The following RGS17 variants were observed in gnomAD, a reference collection of about 807,000 sequenced individuals.
RGS17 encodes the protein regulator of G protein signaling 17.
RGS17 carries 12 observed loss-of-function variants against 25.5 expected under a neutral mutation model. That is an observed-to-expected ratio of 0.47 (90% CI 0.30 to 0.76). RGS17 has a LOEUF of 0.76. RGS17 is among the 30% of genes least tolerant of loss of function. RGS17 has a pLI of 0.07. For synonymous variants in RGS17, 71 were observed against 76.9 expected (o/e 0.92, Z 0.40); for missense variants, 196 against 242.2 (o/e 0.81, Z 1.27).
At chr6:153,080,067 C>T (rs137992290) in intron 1 of RGS17, among the ~76,000 whole-genome samples, 11,884 of 152,110 alleles carry the variant, frequency 0.078, 628 homozygotes, top group East Asian at 0.17. Context: ...CTGCAACCTC[C>T]GCCTTCTGGG....
intron 1 of RGS17, among the ~76,000 whole-genome samples, chr6:153,107,718 C>G (rs1479718999): frequency 6.6e-6 from 1 of 152,184 alleles, no homozygotes; most frequent in African/African-American, 2.4e-5. Context: ...GAAATCGTTG[C>G]AAGTGTTGGT....
intron 2 of RGS17, among the ~76,000 whole-genome samples, chr6:153,039,318 G>C (rs1157284234): frequency 7.9e-5 from 12 of 152,094 alleles, no homozygotes; most frequent in Non-Finnish European, 1.8e-4. Flanking sequence ...TGTTGTTGTT[G>C]TTTTTTCAAA....
intron 1 of RGS17, among the ~76,000 whole-genome samples, chr6:153,125,364 C>G (rs938758927): frequency 1.3e-5 from 2 of 152,148 alleles, no homozygotes; most frequent in African/African-American, 2.4e-5. Context: ...TGCTAGAATA[C>G]TAAGTATAAA....
chr6:153,037,587 G>A (rs774237568), intron 2 of RGS17, among the ~76,000 whole-genome samples: 14 of 151,882 alleles, frequency 9.2e-5, no homozygotes, highest in African/African-American at 2.7e-4. Context: ...CACCACACCC[G>A]GCTAATTTTT....
chr6:153,005,272 C>G lies in RGS17; in HGVS notation c.*6302G>C, dbSNP rs1412856894. 6.6e-6 allele frequency: 1 copy of G among 152,176 alleles called. No individual in the cohort carries two copies. Among genetic ancestry groups the G allele is most frequent in the Admixed American group, 6.5e-5 (1 of 15,270 alleles). The allele number at this position is 152,176 out of a possible 1,614,324, so 9.4% of individuals were successfully genotyped here. A position where few individuals can be genotyped will look rare whatever the true frequency, so the allele number is the denominator to read the frequency against. The stretch of plus-strand genomic sequence containing the variant: ...GCAGACAGTTCAAGGGAAAAATTCA[C>G]TTTCACCTCTATTAGGTGAATATTC... On this transcript the variant is annotated 3_prime_UTR_variant, in exon 5 of 5. Transcript: ENST00000206262.
intron 1 of RGS17, among the ~76,000 whole-genome samples, chr6:153,101,861 A>G (rs369210305): frequency 1.3e-5 from 2 of 152,156 alleles, no homozygotes; most frequent in African/African-American, 4.8e-5. Flanking sequence ...TGCCATGATT[A>G]TAAGTTTTCC....
At chr6:153,080,343 T>G (rs1776955913) in intron 1 of RGS17, among the ~76,000 whole-genome samples, 1 of 152,222 alleles carries the variant, frequency 6.6e-6, no homozygotes, top group Non-Finnish European at 1.5e-5. Context: ...GGCATAAAGT[T>G]GCTGATAGCA....
At chr6:153,120,129 T>C (rs1777604578) in intron 1 of RGS17, among the ~76,000 whole-genome samples, 1 of 152,204 alleles carries the variant, frequency 6.6e-6, no homozygotes. Flanking sequence ...GAATAGAACG[T>C]AACGATTGCC....
chr6:153,035,654 A>C (rs75645717), intron 2 of RGS17, among the ~76,000 whole-genome samples: 2,084 of 152,286 alleles, frequency 0.014, 54 homozygotes, highest in African/African-American at 0.046. Flanking sequence ...GAATTTGTTA[A>C]ATATTGTCCA....
Position 153,015,294 on chromosome 6 carries a change from T to C in RGS17, c.445-3532A>G, listed in dbSNP as rs529149383. 2.0e-5 allele frequency among the ~76,000 whole-genome samples: 3 copies of C among 152,352 alleles called. No homozygotes were observed. The East Asian group carries it at 5.8e-4, about 29-fold the overall frequency. ...AGCAGGGTTTGAGAGGATTGACTCC[T>C]ATTTTGAAAGAAGCTCTACTGTGGG... is the stretch of plus-strand genomic sequence containing the variant. On this transcript the variant is annotated intron_variant, in intron 4 of 4. Coordinates refer to ENST00000206262, the MANE Select transcript of RGS17 (RefSeq NM_012419.5).
intron 1 of RGS17, among the ~76,000 whole-genome samples, chr6:153,085,474 T>G (rs1777039404): frequency 6.6e-6 from 1 of 152,190 alleles, no homozygotes; most frequent in South Asian, 2.1e-4. Context: ...CCTGCAATAC[T>G]CCAGCTCAGT....
chr6:153,096,008 A>G (rs531775923), intron 1 of RGS17, among the ~76,000 whole-genome samples: 1 of 152,336 alleles, frequency 6.6e-6, no homozygotes, highest in Admixed American at 6.5e-5. Context: ...AGGAGCAAAT[A>G]GTCTTGTGGG....
intron 1 of RGS17, among the ~76,000 whole-genome samples, chr6:153,110,821 G>C (rs1366291696): frequency 1.3e-5 from 2 of 152,170 alleles, no homozygotes; most frequent in Non-Finnish European, 2.9e-5. Context: ...GTCTCACCAG[G>C]GAAGCGCAAG....
intron 1 of RGS17, among the ~76,000 whole-genome samples, chr6:153,067,115 C>T (rs1298514232): frequency 6.6e-6 from 1 of 152,026 alleles, no homozygotes; most frequent in Non-Finnish European, 1.5e-5. Context: ...TTCAACATTC[C>T]TTAATGATTA....
In RGS17 at chr6:153,007,326, T is replaced by C. The variant is rs941851767; in HGVS notation, c.*4248A>G. ...TGAAGAATTAAAAATTTTTGCAGATTGGATATTGTTTTTGCAGGAGAACAA... is the reference window on the plus strand; with the variant it reads ...TGAAGAATTAAAAATTTTTGCAGATCGGATATTGTTTTTGCAGGAGAACAA... On this transcript the variant is annotated 3_prime_UTR_variant, in exon 5 of 5. Transcript: ENST00000206262. 2 of 152,184 alleles carry C rather than the reference T, an allele frequency of 1.3e-5. No individual in the cohort carries two copies. The highest frequency in any genetic ancestry group is 2.1e-4 in the South Asian group (1 of 4,834). The allele number at this position is 152,184 out of a possible 1,614,324, so 9.4% of individuals were successfully genotyped here.
chr6:153,070,630 C>T (rs760165160), intron 1 of RGS17, among the ~76,000 whole-genome samples: 4 of 149,744 alleles, frequency 2.7e-5, no homozygotes, highest in Non-Finnish European at 5.9e-5. Flanking sequence ...TCCATGGATA[C>T]TGGCTGTATA....
chr6:153,041,035 T>C (rs939803363), intron 2 of RGS17, among the ~76,000 whole-genome samples: 6 of 148,990 alleles, frequency 4.0e-5, no homozygotes, highest in Non-Finnish European at 7.4e-5. Context: ...TGTGGTGGCA[T>C]GCACCTGTAG....
intron 2 of RGS17, among the ~76,000 whole-genome samples, chr6:153,043,622 C>G (rs1776349018): frequency 6.6e-6 from 1 of 151,942 alleles, no homozygotes; most frequent in Non-Finnish European, 1.5e-5. Flanking sequence ...TTACCCATAT[C>G]TTTAAGAAGC....
intron 1 of RGS17, among the ~76,000 whole-genome samples, chr6:153,086,031 G>C (rs1306550421): frequency 6.6e-6 from 1 of 152,152 alleles, no homozygotes; most frequent in Non-Finnish European, 1.5e-5. Flanking sequence ...ACTTCTGAAA[G>C]ATAATTACGT....
Sources: gnomAD v4.1 joint callset for allele counts (sites outside exome capture counted in the v4.1 genomes callset) on GRCh38, gnomAD v4.1.1 for gene constraint, MANE v1.5 for transcripts, NCBI Gene and HGNC (gene_info 2026-07-23, HGNC 2026-07-21) for gene names.